The following KLF12 variants were observed in gnomAD, a reference collection of about 807,000 sequenced individuals.
KLF12 encodes KLF transcription factor 12, also known as Krueppel-like factor 12.
KLF12 carries 9 observed loss-of-function variants against 37.8 expected under a neutral mutation model. The ratio of observed to expected loss-of-function variants is 0.24; its 90% confidence interval spans 0.14 to 0.42. The LOEUF (loss-of-function observed/expected upper bound fraction) is 0.42, where lower values mean the gene tolerates loss of function less well. Ranked by LOEUF, KLF12 falls within the 10% of genes least tolerant of loss-of-function variation. The probability of loss-of-function intolerance (pLI) is 1.00; values close to 1 mark genes in which losing one functional copy is unlikely to be tolerated. For missense variants in KLF12, 411 were observed against 516.0 expected, an observed-to-expected ratio of 0.80 and a Z score of 1.97; for synonymous variants, 208 against 202.1, an observed-to-expected ratio of 1.03 and a Z score of -0.25.
At chr13:74,208,648 G>C in the KLF12 span, among the ~76,000 whole-genome samples, 1 of 152,066 alleles carries the variant, frequency 6.6e-6, no homozygotes, top group African/African-American at 2.4e-5. Context: ...TCAATGTAAT[G>C]AGAGCATTAG....
intron 3 of KLF12, among the ~76,000 whole-genome samples, chr13:73,909,711 A>G (rs1444618226): frequency 6.6e-6 from 1 of 152,228 alleles, no homozygotes; most frequent in Non-Finnish European, 1.5e-5. Flanking sequence ...ACTAGGTCCC[A>G]ACAAACTTAC....
the KLF12 span, among the ~76,000 whole-genome samples, chr13:74,174,693 A>C: frequency 6.6e-6 from 1 of 150,982 alleles, no homozygotes. Context: ...TATAACCTCA[A>C]AAAAGTCACA....
intron 3 of KLF12, among the ~76,000 whole-genome samples, chr13:73,885,948 C>T (rs1209528490): frequency 6.6e-6 from 1 of 152,172 alleles, no homozygotes; most frequent in Non-Finnish European, 1.5e-5. Context: ...AGGATAACTC[C>T]TATGATTTTG....
rs1402592186 is a variant in KLF12, at chr13:74,125,164, T to TAC, written c.-32+8574_-32+8575insGT. ...CGTTTCAAAAAAAAAAATATATATA[T>TAC]ATACACACACACACACACACACACA... is the stretch of plus-strand genomic sequence containing the variant. On this transcript the variant is annotated intron_variant, in intron 1 of 7. Coordinates refer to ENST00000377669, the MANE Select transcript of KLF12 (RefSeq NM_007249.5). 9.8e-4 allele frequency among the ~76,000 whole-genome samples: 133 copies of TAC among 135,294 alleles called. 1 individual carries two copies. Among genetic ancestry groups the TAC allele is most frequent in the Middle Eastern group, 3.8e-3 (1 of 266 alleles). The allele number at this position is 135,294 out of a possible 152,430, so 88.8% of individuals were successfully genotyped here.
chr13:73,784,874 G>C lies in KLF12; in HGVS notation c.807-19874C>G, dbSNP rs1231420287. On this transcript the variant is annotated intron_variant, in intron 5 of 7. Transcript: ENST00000377669. ...GATGGTCTCAATCTCCTGACCTCGT[G>C]ATCCACCCGCCTTGGCCTCCCAAAG... 3.9e-5 allele frequency among the ~76,000 whole-genome samples: 6 copies of C among 152,020 alleles called. No individual in the cohort carries two copies. In the South Asian group the frequency reaches 1.3e-3, roughly 32 times the overall value.
chr13:73,801,084 A>G (rs2138343367), intron 5 of KLF12: 1 of 152,242 alleles, frequency 6.6e-6, no homozygotes, highest in South Asian at 2.1e-4. Flanking sequence ...CATCAATGAG[A>G]TAAGATTCAC....
chr13:74,008,928 T>A (rs1593826473), intron 1 of KLF12, among the ~76,000 whole-genome samples: 1 of 152,316 alleles, frequency 6.6e-6, no homozygotes, highest in African/African-American at 2.4e-5. Flanking sequence ...GCACTCCTCT[T>A]CTATTTACTA....
At chr13:74,039,746 G>C (rs1893352716) in intron 1 of KLF12, among the ~76,000 whole-genome samples, 1 of 152,176 alleles carries the variant, frequency 6.6e-6, no homozygotes, top group Non-Finnish European at 1.5e-5. Flanking sequence ...GATAAAGATA[G>C]AAATTCTTCA....
intron 2 of KLF12, among the ~76,000 whole-genome samples, chr13:73,950,430 G>A (rs991553415): frequency 1.3e-5 from 2 of 152,140 alleles, no homozygotes; most frequent in South Asian, 2.1e-4. Flanking sequence ...CTGAGCTTCC[G>A]AATAACACTT....
upstream of KLF12, among the ~76,000 whole-genome samples, chr13:74,137,672 T>C (rs1878598293): frequency 6.6e-6 from 1 of 152,214 alleles, no homozygotes; most frequent in African/African-American, 2.4e-5. Context: ...ACAAACTTTT[T>C]GCCAGCTCTT....
chr13:73,722,804 G>A (rs944708948), intron 6 of KLF12, among the ~76,000 whole-genome samples: 1 of 152,152 alleles, frequency 6.6e-6, no homozygotes, highest in African/African-American at 2.4e-5. Flanking sequence ...AACAGAATGC[G>A]TCTAAAATGC....
chr13:73,948,157 G>C (rs1890511692), intron 2 of KLF12, among the ~76,000 whole-genome samples: 1 of 152,158 alleles, frequency 6.6e-6, no homozygotes, highest in South Asian at 2.1e-4. Flanking sequence ...ATGCTAGACA[G>C]TGATGTAAGG....
intron 1 of KLF12, among the ~76,000 whole-genome samples, chr13:74,063,908 C>A (rs1873754003): frequency 6.6e-6 from 1 of 152,158 alleles, no homozygotes; most frequent in African/African-American, 2.4e-5. Flanking sequence ...CCAAGCTGCC[C>A]TTTGATTCCA....
intron 4 of KLF12, among the ~76,000 whole-genome samples, chr13:73,841,257 C>T (rs1027849722): frequency 2.6e-5 from 4 of 152,170 alleles, no homozygotes; most frequent in African/African-American, 9.6e-5. Flanking sequence ...CAATAATGAA[C>T]CAAGAATAAC....
At chr13:74,110,533 T>C (rs539357413) in intron 1 of KLF12, among the ~76,000 whole-genome samples, 13 of 152,314 alleles carry the variant, frequency 8.5e-5, no homozygotes, top group African/African-American at 3.1e-4. Context: ...ACTGAAATGA[T>C]GCTTTCTACA....
intron 6 of KLF12, among the ~76,000 whole-genome samples, chr13:73,750,949 G>A (rs1482940118): frequency 2.0e-5 from 3 of 152,140 alleles, no homozygotes; most frequent in South Asian, 2.1e-4. Context: ...GGCCTCATAC[G>A]TAGTGTTAAG....
At chr13:73,891,471 T>C (rs1178828793) in intron 3 of KLF12, among the ~76,000 whole-genome samples, 1 of 152,078 alleles carries the variant, frequency 6.6e-6, no homozygotes, top group East Asian at 1.9e-4. Flanking sequence ...ATTTAGTAAC[T>C]CAAACACCTC....
chr13:73,761,234 G>A (rs141216313), intron 6 of KLF12, among the ~76,000 whole-genome samples: 2 of 152,142 alleles, frequency 1.3e-5, no homozygotes, highest in Non-Finnish European at 2.9e-5. Flanking sequence ...ATTACTGTAT[G>A]CAAGAAAGAG....
chr13:74,034,401 A>G (rs958895114), intron 1 of KLF12, among the ~76,000 whole-genome samples: 3 of 152,168 alleles, frequency 2.0e-5, no homozygotes, highest in African/African-American at 7.2e-5. Flanking sequence ...ATCCCAGTTC[A>G]AATATTTTCC....
Sources: gnomAD v4.1 joint callset for allele counts (sites outside exome capture counted in the v4.1 genomes callset) on GRCh38, gnomAD v4.1.1 for gene constraint, MANE v1.5 for transcripts, NCBI Gene and HGNC (gene_info 2026-07-23, HGNC 2026-07-21) for gene names.